The following MYO1E variants were observed in gnomAD, a reference collection of about 807,000 sequenced individuals.
The protein encoded by MYO1E is myosin IE.
In MYO1E, 68 loss-of-function variants were observed where a neutral mutation model predicts 151.1. The observed-to-expected ratio is 0.45, with a 90% CI of 0.37 to 0.55. MYO1E has a LOEUF of 0.55. MYO1E is among the 20% of genes least tolerant of loss of function. The probability of loss-of-function intolerance (pLI) is 0.00; values close to 1 mark genes in which losing one functional copy is unlikely to be tolerated. For missense variants in MYO1E, 1,363 were observed against 1,389.3 expected, an observed-to-expected ratio of 0.98 and a Z score of 0.30; for synonymous variants, 601 against 501.7, an observed-to-expected ratio of 1.20 and a Z score of -2.64.
At chr15:59,280,296 A>T (rs1230141464) in intron 1 of MYO1E, among the ~76,000 whole-genome samples, 1 of 152,202 alleles carries the variant, frequency 6.6e-6, no homozygotes, top group African/African-American at 2.4e-5. Context: ...TCTAAGATGC[A>T]TTCTTTTTCA....
At chr15:59,273,798 A>T (rs140151037) in intron 1 of MYO1E, among the ~76,000 whole-genome samples, 159 of 152,330 alleles carry the variant, frequency 1.0e-3, no homozygotes, top group African/African-American at 3.6e-3. Flanking sequence ...CTTGCATTCT[A>T]CTGGGAGTGT....
At chr15:59,203,790 T>C (rs892766207) in intron 15 of MYO1E, among the ~76,000 whole-genome samples, 2 of 152,250 alleles carry the variant, frequency 1.3e-5, no homozygotes, top group African/African-American at 4.8e-5. Context: ...GTCTGAAGCA[T>C]AGCATGGTGC....
chr15:59,239,032 C>T (rs1460426621), intron 4 of MYO1E, among the ~76,000 whole-genome samples: 4 of 150,574 alleles, frequency 2.7e-5, no homozygotes, highest in Non-Finnish European at 5.9e-5. Flanking sequence ...ATGGTGAATC[C>T]CCGTCTCTAC....
intron 26 of MYO1E, among the ~76,000 whole-genome samples, 191 bp from the exon 27 acceptor site, chr15:59,138,558 C>G (rs1441378506): frequency 6.6e-6 from 1 of 152,192 alleles, no homozygotes; most frequent in Non-Finnish European, 1.5e-5. Context: ...AAGGTTGTTG[C>G]AAATGCACAT....
At chr15:59,356,213 G>C (rs2080851829) in intron 1 of MYO1E, among the ~76,000 whole-genome samples, 1 of 152,158 alleles carries the variant, frequency 6.6e-6, no homozygotes. Context: ...GCCTTCCAGG[G>C]ACAAGCCACC....
chr15:59,229,611 G>T (rs1335765712), intron 6 of MYO1E, among the ~76,000 whole-genome samples: 1 of 152,218 alleles, frequency 6.6e-6, no homozygotes, highest in African/African-American at 2.4e-5. Flanking sequence ...CCTAAGCTGG[G>T]TGCCAGATAC....
intron 17 of MYO1E, among the ~76,000 whole-genome samples, chr15:59,195,203 T>C (rs2079759185): frequency 6.6e-6 from 1 of 152,208 alleles, no homozygotes; most frequent in Non-Finnish European, 1.5e-5. Flanking sequence ...TGTTTTGTTT[T>C]TTTTCCATCT....
At chr15:59,365,763 C>T (rs2080909378) in intron 1 of MYO1E, among the ~76,000 whole-genome samples, 1 of 151,926 alleles carries the variant, frequency 6.6e-6, no homozygotes, top group Non-Finnish European at 1.5e-5. Context: ...GTGCCTCCTT[C>T]AGAGCAGTTC....
chr15:59,265,157 C>T (rs2080245928), intron 2 of MYO1E, among the ~76,000 whole-genome samples: 2 of 152,090 alleles, frequency 1.3e-5, no homozygotes, highest in African/African-American at 4.8e-5. Flanking sequence ...TACATCTATC[C>T]CCAGGGAAAA....
At chr15:59,203,584 C>G (rs1376771861) in intron 15 of MYO1E, among the ~76,000 whole-genome samples, 1 of 152,090 alleles carries the variant, frequency 6.6e-6, no homozygotes, top group Non-Finnish European at 1.5e-5. Flanking sequence ...ACATGTTGGC[C>G]ACAGTGGTCT....
chr15:59,207,486 G>A (rs1292673015), intron 14 of MYO1E: 3 of 1,614,046 alleles, frequency 1.9e-6, no homozygotes, highest in Non-Finnish European at 2.5e-6. Context: ...ACTGCAAACT[G>A]ATTATTGTTT....
intron 22 of MYO1E, among the ~76,000 whole-genome samples, chr15:59,167,528 C>A (rs1314838552): frequency 6.6e-6 from 1 of 152,182 alleles, no homozygotes; most frequent in Non-Finnish European, 1.5e-5. Flanking sequence ...GAGGATCCTT[C>A]AAAAACCCAG....
chr15:59,367,659 C>A (rs2080922166), intron 1 of MYO1E, among the ~76,000 whole-genome samples: 1 of 152,150 alleles, frequency 6.6e-6, no homozygotes, highest in Non-Finnish European at 1.5e-5. Flanking sequence ...ATACTGAATG[C>A]CACTACTGGG....
At chr15:59,316,672 A>T (rs1231360575) in intron 1 of MYO1E, among the ~76,000 whole-genome samples, 1 of 152,152 alleles carries the variant, frequency 6.6e-6, no homozygotes, top group Non-Finnish European at 1.5e-5. Context: ...TCAATTATAA[A>T]ATTTATCTTG....
chr15:59,349,278 A>G (rs1157122787), intron 1 of MYO1E, among the ~76,000 whole-genome samples: 1 of 152,032 alleles, frequency 6.6e-6, no homozygotes, highest in Non-Finnish European at 1.5e-5. Flanking sequence ...TATTTTTTCT[A>G]TTTGCAATTA....
At chr15:59,360,152 C>T (rs1350765479) in intron 1 of MYO1E, among the ~76,000 whole-genome samples, 2 of 152,144 alleles carry the variant, frequency 1.3e-5, no homozygotes, top group African/African-American at 4.8e-5. Flanking sequence ...AAAGACAGAA[C>T]AGAAAGTCAA....
At chr15:59,249,944 G>C (rs1220296794) in intron 4 of MYO1E, among the ~76,000 whole-genome samples, 1 of 152,080 alleles carries the variant, frequency 6.6e-6, no homozygotes, top group Non-Finnish European at 1.5e-5. Flanking sequence ...GGAAGGAAGA[G>C]TTCCAAAACC....
In MYO1E at chr15:59,294,391, C is replaced by T. The variant is rs183085369; in HGVS notation, c.4-21942G>A. ...ATAAATCACCTCTTATCTGGAATCT[C>T]ACTACTTCCTATTCCAAATAGATTT... On this transcript the variant is annotated intron_variant, in intron 1 of 27. Transcript: ENST00000288235. 2.1e-3 allele frequency among the ~76,000 whole-genome samples: 325 copies of T among 152,308 alleles called. 1 individual carries two copies. Among genetic ancestry groups the T allele is most frequent in the Non-Finnish European group, 3.7e-3 (250 of 68,016 alleles).
At chr15:59,363,165 G>A (rs2080895104) in intron 1 of MYO1E, among the ~76,000 whole-genome samples, 1 of 152,040 alleles carries the variant, frequency 6.6e-6, no homozygotes, top group South Asian at 2.1e-4. Flanking sequence ...TGTTAGTAGA[G>A]ACGGGGTTTC....
Sources: gnomAD v4.1 joint callset for allele counts (sites outside exome capture counted in the v4.1 genomes callset) on GRCh38, gnomAD v4.1.1 for gene constraint, MANE v1.5 for transcripts, NCBI Gene and HGNC (gene_info 2026-07-23, HGNC 2026-07-21) for gene names.